ELOVL6: variants seen among roughly 807,000 people sequenced by gnomAD.
ELOVL6 encodes ELOVL fatty acid elongase 6.
A neutral mutation model predicts 31.7 loss-of-function variants in ELOVL6; 8 were observed. The observed-to-expected ratio is 0.25, with a 90% CI of 0.15 to 0.45. The LOEUF is 0.45. Among genes scored for constraint, ELOVL6 ranks in the 20% least tolerant of loss-of-function variants. The pLI is 1.00. For synonymous variants in ELOVL6, 101 were observed against 117.7 expected (o/e 0.86, Z 0.92); for missense variants, 126 against 326.4 (o/e 0.39, Z 4.73).
intron 1 of ELOVL6, among the ~76,000 whole-genome samples, chr4:110,161,696 A>T (rs895700468): frequency 6.6e-6 from 1 of 152,216 alleles, no homozygotes; most frequent in Admixed American, 6.5e-5. Flanking sequence ...GAAACTACGT[A>T]TGTTAGATAA....
intron 2 of ELOVL6, among the ~76,000 whole-genome samples, chr4:110,084,102 G>GATATTTACATGTTATATATCATATATATC (rs1756036085): frequency 2.6e-5 from 2 of 76,614 alleles, no homozygotes; most frequent in East Asian, 5.3e-4. Context: ...ACATATATAT[G>GATATTTACATGTTATATATCATATATATC]ATATATATGA....
At chr4:110,076,758 C>T (rs1355157297) in intron 2 of ELOVL6, among the ~76,000 whole-genome samples, 1 of 152,160 alleles carries the variant, frequency 6.6e-6, no homozygotes, top group Non-Finnish European at 1.5e-5. Flanking sequence ...GGGTGCAGCG[C>T]ACCGAGTGTG....
chr4:110,059,985 CAAA>C, intron 2 of ELOVL6: 1 of 392,188 alleles, frequency 2.5e-6, no homozygotes, highest in Non-Finnish European at 4.5e-6. Context: ...ATCACTGTTC[CAAA>C]AAGAGGTCAT....
intron 1 of ELOVL6, among the ~76,000 whole-genome samples, chr4:110,155,300 C>T (rs1758382877): frequency 6.6e-6 from 1 of 151,956 alleles, no homozygotes; most frequent in Non-Finnish European, 1.5e-5. Flanking sequence ...AATCTTCCTA[C>T]ATTTGGTCAC....
chr4:110,111,539 T>C (rs1757037220), intron 1 of ELOVL6, among the ~76,000 whole-genome samples: 1 of 152,160 alleles, frequency 6.6e-6, no homozygotes, highest in African/African-American at 2.4e-5. Context: ...AGGATCCTTA[T>C]GTGAGAGTAA....
chr4:110,132,444 C>A (rs986343098), intron 1 of ELOVL6, among the ~76,000 whole-genome samples: 1 of 151,988 alleles, frequency 6.6e-6, no homozygotes, highest in South Asian at 2.1e-4. Context: ...GTCTTGGCAG[C>A]TGATTTAATA....
chr4:110,111,695 A>C (rs1176665966), intron 1 of ELOVL6, among the ~76,000 whole-genome samples: 1 of 152,158 alleles, frequency 6.6e-6, no homozygotes, highest in African/African-American at 2.4e-5. Flanking sequence ...ATGCTGTGGA[A>C]GATTTAAGAG....
chr4:110,139,599 G>C (rs1281645830), intron 1 of ELOVL6, among the ~76,000 whole-genome samples: 1 of 152,124 alleles, frequency 6.6e-6, no homozygotes, highest in Admixed American at 6.6e-5. Flanking sequence ...AAGCAAAGGA[G>C]AGAATTGCTA....
chr4:110,064,651 T>C (rs1755245675), intron 2 of ELOVL6, among the ~76,000 whole-genome samples: 1 of 151,924 alleles, frequency 6.6e-6, no homozygotes, highest in Admixed American at 6.6e-5. Context: ...CAAGCACATA[T>C]TAGAAATTTT....
At chr4:110,197,969 A>G (rs1255385900) in intron 1 of ELOVL6, 1 of 500,160 alleles carries the variant, frequency 2.0e-6, no homozygotes, top group Non-Finnish European at 3.6e-6. Flanking sequence ...TCGCGCAGAC[A>G]TCACCCTGTG....
At chr4:110,084,470 A>ATATATCATATATGATAT (rs1560815522) in intron 2 of ELOVL6, among the ~76,000 whole-genome samples, 10 of 19,296 alleles carry the variant, frequency 5.2e-4, no homozygotes, top group Non-Finnish European at 1.1e-3. Flanking sequence ...TATGATATAT[A>ATATATCATATATGATAT]ACAATATACA....
chr4:110,123,061 T>G (rs150757643), intron 1 of ELOVL6, among the ~76,000 whole-genome samples: 78 of 152,336 alleles, frequency 5.1e-4, no homozygotes, highest in African/African-American at 1.8e-3. Flanking sequence ...GATTGTATCT[T>G]ACTCAACTTT....
intron 1 of ELOVL6, among the ~76,000 whole-genome samples, chr4:110,141,100 G>A (rs1236829687): frequency 6.6e-6 from 1 of 152,026 alleles, no homozygotes; most frequent in African/African-American, 2.4e-5. Flanking sequence ...TTTCGTTCTT[G>A]TTGCCCAGGC....
chr4:110,133,384 T>A (rs1042241090), intron 1 of ELOVL6, among the ~76,000 whole-genome samples: 2 of 152,224 alleles, frequency 1.3e-5, no homozygotes, highest in Admixed American at 6.5e-5. Context: ...GACAGCCTCA[T>A]CCTACTGTGA....
chr4:110,172,217 A>G (rs965472075), intron 1 of ELOVL6, among the ~76,000 whole-genome samples: 1 of 152,126 alleles, frequency 6.6e-6, no homozygotes. Context: ...GATAGTGTCA[A>G]AATTGAACTG....
At chr4:110,052,956 GT>G (rs1170139037) in intron 3 of ELOVL6, among the ~76,000 whole-genome samples, 1 of 152,052 alleles carries the variant, frequency 6.6e-6, no homozygotes, top group Non-Finnish European at 1.5e-5. Flanking sequence ...TTAATTTTTT[GT>G]TTGTTTTTGA....
rs776031370 is a variant in ELOVL6 at position 110,051,491 on chromosome 4, C to T, written c.645G>A (p.Leu215=). 13 of 1,614,058 alleles carry T rather than the reference C, an allele frequency of 8.1e-6. No individual in the cohort carries two copies. The highest frequency in any genetic ancestry group is 1.3e-5 in the African/African-American group (1 of 74,932). ...QMLMGCVVNY[L]VFCWMQHDQC... ...GGTCATGCTGCATCCAGCAGAAGACCAGGTAGTTAACCACACAGCCCATCA... is the reference window on the plus strand; with the variant it reads ...GGTCATGCTGCATCCAGCAGAAGACTAGGTAGTTAACCACACAGCCCATCA... The change falls in exon 4 of 4, where the codon CTG becomes CTA. Residue 215 remains leucine (L), a synonymous_variant. Transcript: ENST00000302274. This position sits in a 1 kb window ranked among gnomAD's most constrained non-coding sequence, Gnocchi z 4.8.
intron 2 of ELOVL6, among the ~76,000 whole-genome samples, chr4:110,103,833 T>C (rs956377196): frequency 9.9e-5 from 15 of 152,198 alleles, no homozygotes; most frequent in Non-Finnish European, 1.9e-4. Flanking sequence ...AAAACAGGAA[T>C]CATTTATGAG....
At chr4:110,056,837 A>T (rs1295089457) in intron 3 of ELOVL6, among the ~76,000 whole-genome samples, 1 of 152,164 alleles carries the variant, frequency 6.6e-6, no homozygotes, top group Non-Finnish European at 1.5e-5. Context: ...GGGGCTCAAG[A>T]GGGAACACTG....
Sources: gnomAD v4.1 joint callset for allele counts (sites outside exome capture counted in the v4.1 genomes callset) on GRCh38, gnomAD v4.1.1 for gene constraint, Gnocchi (gnomAD v3.1) non-coding constraint, MANE v1.5 for transcripts, NCBI Gene and HGNC (gene_info 2026-07-23, HGNC 2026-07-21) for gene names.